The following NCKAP5 variants were observed in gnomAD, a reference collection of about 807,000 sequenced individuals.
NCKAP5 encodes nck-associated protein 5.
NCKAP5 carries 92 observed loss-of-function variants against 167.0 expected under a neutral mutation model. That is an observed-to-expected ratio of 0.55 (90% CI 0.47 to 0.66). NCKAP5 has a LOEUF of 0.66. NCKAP5 is among the 30% of genes least tolerant of loss of function. The pLI is 0.00. For synonymous variants in NCKAP5, 891 were observed against 877.4 expected (o/e 1.02, Z -0.27); for missense variants, 2,378 against 2,315.0 (o/e 1.03, Z -0.56).
chr2:133,281,443 T>C (rs2089932176), intron 4 of NCKAP5, among the ~76,000 whole-genome samples: 1 of 152,210 alleles, frequency 6.6e-6, no homozygotes, highest in African/African-American at 2.4e-5. Flanking sequence ...ACAAAGTCAC[T>C]ATTTGGTAAT....
At chr2:133,263,150 C>T (rs1365599969) in intron 4 of NCKAP5, among the ~76,000 whole-genome samples, 2 of 152,184 alleles carry the variant, frequency 1.3e-5, no homozygotes, top group African/African-American at 2.4e-5. Context: ...GCATTATGTG[C>T]TTTTCATTGA....
rs3051212 is a variant in NCKAP5 at position 133,102,744 on chromosome 2, AACACACAC to A, written c.341+27226_341+27233del. Among the ~76,000 whole-genome samples the A allele has an allele frequency of 3.9e-3, 530 of 135,202 alleles. 6 individuals are homozygous for A. The highest frequency in any genetic ancestry group is 0.025 in the East Asian group (110 of 4,350). The allele number at this position is 135,202 out of a possible 152,430, so 88.7% of individuals were successfully genotyped here. On this transcript the variant is annotated intron_variant, in intron 6 of 19. Transcript: ENST00000409261. Reference sequence around the variant, plus strand: ...AACTGACAGGTTAGACAAGCATGTAAACACACACACACACACACACACACACACACACA... The same window carrying A: ...AACTGACAGGTTAGACAAGCATGTAAACACACACACACACACACACACACA...
the NCKAP5 span, among the ~76,000 whole-genome samples, chr2:133,600,189 A>G: frequency 6.6e-6 from 1 of 152,390 alleles, no homozygotes; most frequent in South Asian, 2.1e-4. Flanking sequence ...CAGACGTCAC[A>G]GAGACTTAAT....
At position 132,892,290 on chromosome 2, in the gene NCKAP5, T is replaced by C. The variant is rs560996406; in HGVS notation, c.580-13374A>G. On this transcript the variant is annotated intron_variant, in intron 8 of 19. Coordinates refer to ENST00000409261, the MANE Select transcript of NCKAP5 (RefSeq NM_207363.3). Reference sequence around the variant, plus strand: ...CAGATGCCCATTTATCAACTCATTATTACATTTATCAACTCAATATTACAT... The same window carrying C: ...CAGATGCCCATTTATCAACTCATTACTACATTTATCAACTCAATATTACAT... Among the ~76,000 whole-genome samples the C allele has an allele frequency of 2.6e-5, 4 of 152,348 alleles. No individual in the cohort carries two copies. In the South Asian group the frequency reaches 8.3e-4, roughly 32 times the overall value.
chr2:132,836,496 A>C (rs576064981), intron 11 of NCKAP5, among the ~76,000 whole-genome samples: 2 of 151,300 alleles, frequency 1.3e-5, no homozygotes, highest in African/African-American at 4.9e-5. Flanking sequence ...TGTTTCCCTC[A>C]ACTCTCCAAC....
the NCKAP5 span, among the ~76,000 whole-genome samples, chr2:133,638,684 C>T: frequency 0.094 from 14,328 of 151,766 alleles, 779 homozygotes; most frequent in African/African-American, 0.12. Context: ...ATGGTGAGGC[C>T]CCATCTCTAC....
At chr2:133,469,299 G>A (rs939218174) in intron 3 of NCKAP5, among the ~76,000 whole-genome samples, 1 of 151,712 alleles carries the variant, frequency 6.6e-6, no homozygotes, top group African/African-American at 2.4e-5. Context: ...TGAAATTCTG[G>A]GTTGAAAATT....
At chr2:133,233,333 A>C (rs1375906763) in intron 4 of NCKAP5, among the ~76,000 whole-genome samples, 1 of 152,212 alleles carries the variant, frequency 6.6e-6, no homozygotes, top group Non-Finnish European at 1.5e-5. Context: ...TGACCTTACC[A>C]ATACCCATTT....
chr2:132,712,664 G>A (rs564171226), intron 19 of NCKAP5, among the ~76,000 whole-genome samples: 5 of 150,290 alleles, frequency 3.3e-5, no homozygotes, highest in Admixed American at 1.3e-4. Context: ...AAAAAGAAAG[G>A]AAAAAAAAAG....
chr2:133,407,083 T>A (rs538021454), intron 3 of NCKAP5, among the ~76,000 whole-genome samples: 32 of 152,206 alleles, frequency 2.1e-4, no homozygotes, highest in Non-Finnish European at 3.7e-4. Context: ...ACCTCATACA[T>A]GAGCCTCTTG....
At chr2:133,595,572 G>T in the NCKAP5 span, among the ~76,000 whole-genome samples, 8 of 151,930 alleles carry the variant, frequency 5.3e-5, no homozygotes, top group Non-Finnish European at 4.4e-5. Context: ...AGGGGTCTTG[G>T]TGGGGCATGC....
intron 8 of NCKAP5, among the ~76,000 whole-genome samples, chr2:132,946,816 T>C (rs1306085965): frequency 6.6e-6 from 1 of 152,198 alleles, no homozygotes; most frequent in African/African-American, 2.4e-5. Context: ...GAGGATCACT[T>C]GAGCCTGGGA....
chr2:133,345,698 G>A (rs1683923965), intron 3 of NCKAP5, among the ~76,000 whole-genome samples: 1 of 152,188 alleles, frequency 6.6e-6, no homozygotes, highest in Non-Finnish European at 1.5e-5. Flanking sequence ...AAATCCTCTA[G>A]TAAGAGAGGA....
chr2:133,449,498 T>C (rs1009659053), intron 3 of NCKAP5, among the ~76,000 whole-genome samples: 58 of 152,222 alleles, frequency 3.8e-4, no homozygotes, highest in Non-Finnish European at 5.3e-4. Context: ...AAAATGGGAA[T>C]ACTAAAATCA....
chr2:133,435,407 T>G (rs1574950518), intron 3 of NCKAP5, among the ~76,000 whole-genome samples: 1 of 152,256 alleles, frequency 6.6e-6, no homozygotes, highest in East Asian at 1.9e-4. Context: ...GAGAGCAATG[T>G]TTTTAATAGG....
intron 3 of NCKAP5, among the ~76,000 whole-genome samples, chr2:133,334,399 C>T (rs905516045): frequency 5.3e-5 from 8 of 152,038 alleles, no homozygotes; most frequent in African/African-American, 1.2e-4. Flanking sequence ...GATGCTAGCT[C>T]GGGCACTTTT....
At chr2:133,486,306 G>A (rs1575044116) in intron 3 of NCKAP5, among the ~76,000 whole-genome samples, 2 of 152,178 alleles carry the variant, frequency 1.3e-5, no homozygotes, top group African/African-American at 4.8e-5. Context: ...AAGAAGAAAG[G>A]TCTTAGGTTA....
intron 16 of NCKAP5, among the ~76,000 whole-genome samples, chr2:132,757,482 C>A (rs993556110): frequency 1.3e-5 from 2 of 152,150 alleles, no homozygotes; most frequent in African/African-American, 2.4e-5. Context: ...CTGGCACATC[C>A]TCTTTGAATT....
intron 11 of NCKAP5, among the ~76,000 whole-genome samples, chr2:132,822,752 T>G (rs780511599): frequency 6.6e-6 from 1 of 152,136 alleles, no homozygotes; most frequent in Non-Finnish European, 1.5e-5. Context: ...GGTTGATTAT[T>G]AAGCTACTCA....
Sources: gnomAD v4.1 joint callset for allele counts (sites outside exome capture counted in the v4.1 genomes callset) on GRCh38, gnomAD v4.1.1 for gene constraint, MANE v1.5 for transcripts, NCBI Gene and HGNC (gene_info 2026-07-23, HGNC 2026-07-21) for gene names.